Variants in KIAA1217 observed in about 807,000 individuals in gnomAD.
KIAA1217 encodes the protein sickle tail protein homolog.
A neutral mutation model predicts 163.9 loss-of-function variants in KIAA1217; 88 were observed. That is an observed-to-expected ratio of 0.54 (90% CI 0.45 to 0.64). KIAA1217 has a LOEUF of 0.64. KIAA1217 is among the 30% of genes least tolerant of loss of function. KIAA1217 has a pLI of 0.00. For synonymous variants in KIAA1217, 903 were observed against 923.1 expected (o/e 0.98, Z 0.39); for missense variants, 2,372 against 2,475.0 (o/e 0.96, Z 0.88).
At chr10:24,529,916 G>A (rs1042727762) in intron 14 of KIAA1217, among the ~76,000 whole-genome samples, 1 of 150,716 alleles carries the variant, frequency 6.6e-6, no homozygotes, top group Admixed American at 6.7e-5. Flanking sequence ...TTCTCCCTCA[G>A]CCTCCCAAAT....
intron 1 of KIAA1217, among the ~76,000 whole-genome samples, chr10:23,998,934 T>C (rs958641545): frequency 2.0e-5 from 3 of 152,012 alleles, no homozygotes; most frequent in African/African-American, 7.2e-5. Context: ...AAAGAAGGCA[T>C]TGTAAAAGTT....
Position 24,474,031 on chromosome 10 carries a change from G to A in KIAA1217, c.1650G>A (p.Thr550=), listed in dbSNP as rs3748216. Residue 550 remains threonine (T), a synonymous_variant, in exon 6 of 21, where the codon ACG becomes ACA. Coordinates refer to ENST00000376454, the MANE Select transcript of KIAA1217 (RefSeq NM_019590.5). ...AGAAGCAAGTTTTTGCCTACAGCAC[G>A]GCGACAATACCCAAAGACAGAGAGA... ...LMEKQVFAYS[T]ATIPKDRETR... 806 of 1,610,142 alleles carry A rather than the reference G, an allele frequency of 5.0e-4. 6 individuals are homozygous for A. The East Asian group carries it at 0.011, about 22-fold the overall frequency.
At chr10:23,775,458 T>A (rs1834968611) in intron 1 of KIAA1217, among the ~76,000 whole-genome samples, 1 of 152,046 alleles carries the variant, frequency 6.6e-6, no homozygotes, top group Non-Finnish European at 1.5e-5. Context: ...GTACCCTAAG[T>A]TGGAGGTGTC....
intron 2 of KIAA1217, among the ~76,000 whole-genome samples, chr10:24,063,779 A>G (rs1264471283): frequency 6.6e-6 from 1 of 152,124 alleles, no homozygotes; most frequent in African/African-American, 2.4e-5. Flanking sequence ...ATGAACATGG[A>G]ATGTTCTTCC....
At position 24,224,680 on chromosome 10, in the gene KIAA1217, C is replaced by T. The variant is rs1048182792; in HGVS notation, c.354+4771C>T. ...GTTTGTCAAAGGAAAATAGTATCTA[C>T]ATCATGGAGCACTGAGAAATACAAC... On this transcript the variant is annotated intron_variant, in intron 2 of 20. Coordinates refer to ENST00000376454, the MANE Select transcript of KIAA1217 (RefSeq NM_019590.5). Among the ~76,000 whole-genome samples the T allele has an allele frequency of 2.0e-5, 3 of 152,224 alleles. No homozygotes were observed. The East Asian group carries it at 5.8e-4, about 29-fold the overall frequency.
intron 2 of KIAA1217, among the ~76,000 whole-genome samples, chr10:24,111,742 G>A (rs1363894164): frequency 6.6e-6 from 1 of 152,066 alleles, no homozygotes; most frequent in African/African-American, 2.4e-5. Flanking sequence ...AGATGAAGGG[G>A]TTTGTATTTT....
At chr10:24,393,977 TTG>T (rs2055358783) in intron 3 of KIAA1217, among the ~76,000 whole-genome samples, 1 of 152,252 alleles carries the variant, frequency 6.6e-6, no homozygotes, top group Non-Finnish European at 1.5e-5. Flanking sequence ...CACAAACATA[TTG>T]TGTGTCTTTC....
intron 1 of KIAA1217, among the ~76,000 whole-genome samples, chr10:23,697,103 C>A (rs755878032): frequency 2.4e-4 from 37 of 152,160 alleles, no homozygotes; most frequent in Non-Finnish European, 5.1e-4. Flanking sequence ...CTATGAAATA[C>A]GTGCATCTCT....
intron 1 of KIAA1217, among the ~76,000 whole-genome samples, chr10:23,887,844 T>G (rs934632946): frequency 6.6e-6 from 1 of 151,890 alleles, no homozygotes; most frequent in East Asian, 1.9e-4. Flanking sequence ...AACTGGAAAG[T>G]TTTACCAATG....
intron 3 of KIAA1217, among the ~76,000 whole-genome samples, chr10:24,391,170 G>A (rs1436416646): frequency 6.6e-6 from 1 of 152,030 alleles, no homozygotes; most frequent in African/African-American, 2.4e-5. Flanking sequence ...AAAAAGCATG[G>A]CCTGAAGTGA....
At chr10:24,373,199 T>TC (rs1463693493) in intron 2 of KIAA1217, among the ~76,000 whole-genome samples, 2 of 152,216 alleles carry the variant, frequency 1.3e-5, no homozygotes, top group Admixed American at 1.3e-4. Flanking sequence ...ATGTCACACA[T>TC]CCATCTTCCC....
At chr10:23,730,984 T>G (rs1024151259) in intron 1 of KIAA1217, among the ~76,000 whole-genome samples, 1 of 152,244 alleles carries the variant, frequency 6.6e-6, no homozygotes, top group African/African-American at 2.4e-5. Context: ...ACCTTTTAAT[T>G]CATTTTCTTG....
chr10:23,836,783 A>G (rs1215625864), intron 1 of KIAA1217, among the ~76,000 whole-genome samples: 1 of 151,962 alleles, frequency 6.6e-6, no homozygotes, highest in Admixed American at 6.6e-5. Flanking sequence ...AAAAAAAATT[A>G]GCCGTGTATG....
At chr10:23,905,246 C>G (rs1055633022) in intron 1 of KIAA1217, among the ~76,000 whole-genome samples, 1 of 151,456 alleles carries the variant, frequency 6.6e-6, no homozygotes, top group South Asian at 2.1e-4. Flanking sequence ...CTGCCCAGGA[C>G]CCTGGATCAC....
At chr10:23,819,367 A>G (rs1471474046) in intron 1 of KIAA1217, among the ~76,000 whole-genome samples, 1 of 152,054 alleles carries the variant, frequency 6.6e-6, no homozygotes, top group Non-Finnish European at 1.5e-5. Context: ...CTCCTTCTGA[A>G]TTCAGGGGAG....
intron 1 of KIAA1217, among the ~76,000 whole-genome samples, chr10:23,855,124 A>T (rs545785451): frequency 6.6e-6 from 1 of 152,214 alleles, no homozygotes; most frequent in South Asian, 2.1e-4. Context: ...GGTCTTTACA[A>T]TTTGGCATGA....
upstream of KIAA1217, among the ~76,000 whole-genome samples, chr10:24,207,559 A>G (rs1036973953): frequency 6.6e-6 from 1 of 152,236 alleles, no homozygotes; most frequent in Non-Finnish European, 1.5e-5. Flanking sequence ...CAAGATTGCC[A>G]GGTAATTCTG....
At chr10:24,464,492 C>T (rs1487180496) in intron 5 of KIAA1217, among the ~76,000 whole-genome samples, 1 of 151,848 alleles carries the variant, frequency 6.6e-6, no homozygotes, top group Non-Finnish European at 1.5e-5. Context: ...CCCTTTGTTG[C>T]TTTTTTTTGG....
chr10:24,201,246 G>A (rs1445269847), intron 2 of KIAA1217, among the ~76,000 whole-genome samples: 2 of 152,146 alleles, frequency 1.3e-5, no homozygotes, highest in Non-Finnish European at 2.9e-5. Context: ...GCTCCAGCTT[G>A]GGTGACAGAG....
Sources: allele counts gnomAD v4.1 joint callset (sites outside exome capture counted in the v4.1 genomes callset), GRCh38; gene constraint gnomAD v4.1.1; transcripts MANE v1.5; gene names NCBI Gene and HGNC (gene_info 2026-07-23, HGNC 2026-07-21).